The following RFX3 variants were observed in gnomAD, a reference collection of about 807,000 sequenced individuals.
RFX3 encodes the protein regulatory factor X3, also known as transcription factor RFX3.
In RFX3, 14 loss-of-function variants were observed where a neutral mutation model predicts 98.6. The observed-to-expected ratio is 0.14, with a 90% CI of 0.09 to 0.22. The LOEUF is 0.22. Ranked by LOEUF, RFX3 falls within the 10% of genes least tolerant of loss-of-function variation. RFX3 has a pLI of 1.00. For missense variants in RFX3, 639 were observed against 926.9 expected (o/e 0.69, Z 4.03); for synonymous variants, 383 against 328.4 (o/e 1.17, Z -1.80).
intron 1 of RFX3, among the ~76,000 whole-genome samples, chr9:3,451,758 G>A (rs1846657329): frequency 6.6e-6 from 1 of 151,726 alleles, no homozygotes; most frequent in South Asian, 2.1e-4. Flanking sequence ...AGCATACATG[G>A]GAACTCTGTT....
At chr9:3,521,661 A>G (rs1476486672) in intron 1 of RFX3, among the ~76,000 whole-genome samples, 2 of 152,180 alleles carry the variant, frequency 1.3e-5, no homozygotes, top group East Asian at 1.9e-4. Flanking sequence ...AAATATTATC[A>G]TTTTAAAAGA....
chr9:3,418,332 G>A (rs934629446), intron 1 of RFX3, among the ~76,000 whole-genome samples: 3 of 152,020 alleles, frequency 2.0e-5, no homozygotes, highest in East Asian at 1.9e-4. Context: ...CTCAATAAAT[G>A]GTAAACATTA....
chr9:3,240,875 G>A (rs1438064974), intron 15 of RFX3, among the ~76,000 whole-genome samples: 3 of 152,152 alleles, frequency 2.0e-5, no homozygotes, highest in Non-Finnish European at 2.9e-5. Context: ...AGGTGGCACC[G>A]TCATGCTTAC....
chr9:3,292,090 A>C lies in RFX3; in HGVS notation c.731+987T>G, dbSNP rs554421183. 4.2e-4 allele frequency among the ~76,000 whole-genome samples: 63 copies of C among 148,570 alleles called. 2 individuals are homozygous for C. The highest frequency in any genetic ancestry group is 3.0e-3 in the South Asian group (14 of 4,728). On this transcript the variant is annotated intron_variant, in intron 6 of 16. Transcript: ENST00000617270. ...AAAAAAAAAAAAAAAAAAAAAAAAA[A>C]AAAAAAAAAACTCTTTACGAAAATA...
At chr9:3,259,413 G>C (rs1822569186) in intron 13 of RFX3, among the ~76,000 whole-genome samples, 1 of 151,266 alleles carries the variant, frequency 6.6e-6, no homozygotes, top group Non-Finnish European at 1.5e-5. Flanking sequence ...ACTAACAATA[G>C]AGCGCATTGT....
chr9:3,310,269 A>G lies in RFX3; in HGVS notation c.475-8649T>C, dbSNP rs1829810844. ...GGACATGTTGGTTACATACACATCT[A>G]TGCAATGTCCCAAACAGAATATCAT... On this transcript the variant is annotated intron_variant, in intron 4 of 16. Coordinates refer to ENST00000617270, the MANE Select transcript of RFX3 (RefSeq NM_001282116.2). Among the ~76,000 whole-genome samples, 3 of 152,182 alleles carry G rather than the reference A, an allele frequency of 2.0e-5. 1 individual carries two copies. The South Asian group carries it at 6.2e-4, about 32-fold the overall frequency.
chr9:3,512,685 CA>C (rs547353879), intron 1 of RFX3, among the ~76,000 whole-genome samples: 2 of 151,930 alleles, frequency 1.3e-5, no homozygotes, highest in South Asian at 4.2e-4. Flanking sequence ...TTCCAACAAA[CA>C]AAAAAACAAA....
intron 1 of RFX3, among the ~76,000 whole-genome samples, chr9:3,400,620 A>C (rs1350282075): frequency 1.3e-5 from 2 of 152,112 alleles, no homozygotes; most frequent in African/African-American, 4.8e-5. Context: ...CTCTGATTTT[A>C]CTATCTTCAG....
At chr9:3,240,773 T>C (rs1055938351) in intron 15 of RFX3, among the ~76,000 whole-genome samples, 5 of 152,136 alleles carry the variant, frequency 3.3e-5, no homozygotes, top group Non-Finnish European at 7.4e-5. Context: ...TCTTCACCTG[T>C]GGTTGAGAGC....
intron 1 of RFX3, among the ~76,000 whole-genome samples, chr9:3,407,206 A>C (rs928136033): frequency 6.6e-6 from 1 of 152,178 alleles, no homozygotes; most frequent in Non-Finnish European, 1.5e-5. Flanking sequence ...GCTTGGTAAC[A>C]TTCAACTGAT....
At chr9:3,350,467 G>C (rs1470489965) in intron 2 of RFX3, among the ~76,000 whole-genome samples, 3 of 152,140 alleles carry the variant, frequency 2.0e-5, no homozygotes, top group Non-Finnish European at 4.4e-5. Context: ...ATTGTTGGGA[G>C]GGATGGAAAA....
At chr9:3,499,482 AAAGATT>A (rs1478812560) in intron 1 of RFX3, among the ~76,000 whole-genome samples, 16 of 152,054 alleles carry the variant, frequency 1.1e-4, no homozygotes, top group Non-Finnish European at 2.2e-4. Context: ...CTATAACTTT[AAAGATT>A]AACACTTAAT....
intron 4 of RFX3, among the ~76,000 whole-genome samples, chr9:3,328,619 T>C (rs1309469767): frequency 6.6e-6 from 1 of 152,154 alleles, no homozygotes; most frequent in Non-Finnish European, 1.5e-5. Flanking sequence ...TCAGAACAGC[T>C]AGTCATCTGT....
chr9:3,314,938 C>A (rs1830413711), intron 4 of RFX3, among the ~76,000 whole-genome samples: 2 of 152,090 alleles, frequency 1.3e-5, no homozygotes, highest in South Asian at 2.1e-4. Flanking sequence ...GACTTTAGCA[C>A]CCCACTGTCA....
At chr9:3,505,581 T>C (rs1228027253) in intron 1 of RFX3, among the ~76,000 whole-genome samples, 1 of 149,354 alleles carries the variant, frequency 6.7e-6, no homozygotes, top group African/African-American at 2.5e-5. Context: ...ATGTAAAAAT[T>C]AGGACTCTTT....
chr9:3,283,264 G>A lies in RFX3; in HGVS notation c.851+4867C>T, dbSNP rs10971120. On this transcript the variant is annotated intron_variant, in intron 7 of 16. Transcript: ENST00000617270. Reference sequence around the variant, plus strand: ...TATCCCATAAGAAAGATATTTTTCTGTAGTGCTCATCATATAATAATGATC... The same window carrying A: ...TATCCCATAAGAAAGATATTTTTCTATAGTGCTCATCATATAATAATGATC... Among the ~76,000 whole-genome samples, 1,113 of 151,870 alleles carry A rather than the reference G, an allele frequency of 7.3e-3. 5 individuals are homozygous for A. Among genetic ancestry groups the A allele is most frequent in the Admixed American group, 0.015 (223 of 15,196 alleles).
chr9:3,338,667 T>A (rs1833494543), intron 3 of RFX3, among the ~76,000 whole-genome samples: 1 of 152,198 alleles, frequency 6.6e-6, no homozygotes, highest in Admixed American at 6.5e-5. Context: ...AAAGCTGGCA[T>A]TTCTAACAAG....
At chr9:3,322,760 T>C (rs969546309) in intron 4 of RFX3, among the ~76,000 whole-genome samples, 1 of 152,186 alleles carries the variant, frequency 6.6e-6, no homozygotes, top group African/African-American at 2.4e-5. Flanking sequence ...TACTGCCACC[T>C]TACTAAAATG....
intron 1 of RFX3, among the ~76,000 whole-genome samples, chr9:3,470,949 C>G (rs1179499477): frequency 6.6e-6 from 1 of 152,198 alleles, no homozygotes; most frequent in African/African-American, 2.4e-5. Flanking sequence ...TATTTCTTTT[C>G]TAACTTTCTG....
Sources: gnomAD v4.1 joint callset for allele counts (sites outside exome capture counted in the v4.1 genomes callset) on GRCh38, gnomAD v4.1.1 for gene constraint, MANE v1.5 for transcripts, NCBI Gene and HGNC (gene_info 2026-07-23, HGNC 2026-07-21) for gene names.